The following NMNAT2 variants were observed in gnomAD, a reference collection of about 807,000 sequenced individuals.
NMNAT2 encodes nicotinamide nucleotide adenylyltransferase 2.
In NMNAT2, 11 loss-of-function variants were observed where a neutral mutation model predicts 41.6. The ratio of observed to expected loss-of-function variants is 0.26; its 90% confidence interval spans 0.17 to 0.44. The LOEUF is 0.44. Among genes scored for constraint, NMNAT2 ranks in the 20% least tolerant of loss-of-function variants. NMNAT2 has a pLI of 1.00. For synonymous variants in NMNAT2, 148 were observed against 151.2 expected, an observed-to-expected ratio of 0.98 and a Z score of 0.16; for missense variants, 288 against 407.7, an observed-to-expected ratio of 0.71 and a Z score of 2.53.
At chr1:183,333,933 T>C (rs1295876539) in intron 1 of NMNAT2, among the ~76,000 whole-genome samples, 2 of 152,196 alleles carry the variant, frequency 1.3e-5, no homozygotes, top group East Asian at 3.8e-4. Context: ...TGCTGTCTAA[T>C]TGTCCCCAGT....
At chr1:183,328,711 T>C (rs186525001) in intron 1 of NMNAT2, among the ~76,000 whole-genome samples, 65 of 152,366 alleles carry the variant, frequency 4.3e-4, no homozygotes, top group African/African-American at 1.5e-3. Flanking sequence ...CTTTGCCTCC[T>C]GTGAGGAAGA....
intron 1 of NMNAT2, among the ~76,000 whole-genome samples, chr1:183,336,644 C>T (rs1662682889): frequency 6.6e-6 from 1 of 152,192 alleles, no homozygotes; most frequent in Non-Finnish European, 1.5e-5. Context: ...CTTTGGAAAA[C>T]CATGCAGTAG....
chr1:183,304,466 G>A (rs771658136), intron 1 of NMNAT2, among the ~76,000 whole-genome samples: 16 of 152,044 alleles, frequency 1.1e-4, no homozygotes, highest in Non-Finnish European at 2.2e-4. Flanking sequence ...CAGACTCAGT[G>A]GCCAGTGACT....
chr1:183,292,221 C>T (rs1447451865), intron 3 of NMNAT2, among the ~76,000 whole-genome samples: 9 of 152,226 alleles, frequency 5.9e-5, no homozygotes, highest in Admixed American at 5.9e-4. Context: ...ACTGCAAGCT[C>T]AGCGGAGGTG....
rs140298013 is a variant in NMNAT2, at chr1:183,289,553, G to C, written c.321+575C>G. 2.2e-4 allele frequency among the ~76,000 whole-genome samples: 33 copies of C among 152,328 alleles called. 1 individual carries two copies. Among genetic ancestry groups the C allele is most frequent in the African/African-American group, 7.7e-4 (32 of 41,578 alleles). On this transcript the variant is annotated intron_variant, in intron 4 of 10. Coordinates refer to ENST00000287713, the MANE Select transcript of NMNAT2 (RefSeq NM_015039.4). Reference sequence around the variant, plus strand: ...CTCAGATATGTGGACTCCTCTCTGTGATCCCTTTTACCCACTAATAAAACA... The same window carrying C: ...CTCAGATATGTGGACTCCTCTCTGTCATCCCTTTTACCCACTAATAAAACA...
chr1:183,278,730 T>A, intron 7 of NMNAT2, 101 bp from the exon 8 acceptor site: 1 of 824,580 alleles, frequency 1.2e-6, no homozygotes, highest in East Asian at 2.6e-5. Context: ...CTCTCCCACC[T>A]TTGGGGATGT....
chr1:183,385,709 T>C (rs1648223416), intron 1 of NMNAT2, among the ~76,000 whole-genome samples: 1 of 152,144 alleles, frequency 6.6e-6, no homozygotes. Flanking sequence ...AGGCAACAGA[T>C]GGCAACTATC....
intron 1 of NMNAT2, among the ~76,000 whole-genome samples, chr1:183,402,988 C>A (rs914758143): frequency 1.4e-5 from 2 of 148,078 alleles, no homozygotes; most frequent in Admixed American, 6.8e-5. Context: ...GAGGTGGGTG[C>A]AAGGACGTGA....
chr1:183,373,768 C>T (rs944164171), intron 1 of NMNAT2, among the ~76,000 whole-genome samples: 9 of 152,080 alleles, frequency 5.9e-5, no homozygotes, highest in African/African-American at 2.2e-4. Context: ...CAGGCACACG[C>T]AACCATGCCC....
chr1:183,292,179 T>C (rs1379429317), intron 3 of NMNAT2, among the ~76,000 whole-genome samples: 1 of 152,252 alleles, frequency 6.6e-6, no homozygotes, highest in Non-Finnish European at 1.5e-5. Context: ...GGAACATCAT[T>C]AGCATAATTA....
chr1:183,386,802 A>G (rs1648262678), intron 1 of NMNAT2, among the ~76,000 whole-genome samples: 1 of 152,142 alleles, frequency 6.6e-6, no homozygotes, highest in Admixed American at 6.5e-5. Context: ...TTATAGGATA[A>G]ATGAAAAAAA....
At chr1:183,274,767 A>T (rs1571566172) in intron 8 of NMNAT2, among the ~76,000 whole-genome samples, 1 of 115,112 alleles carries the variant, frequency 8.7e-6, no homozygotes, top group Non-Finnish European at 2.1e-5. Flanking sequence ...CCTTGTCTCT[A>T]AAAAAAAAAA....
chr1:183,259,484 C>T (rs1368199306), intron 10 of NMNAT2, among the ~76,000 whole-genome samples: 4 of 152,206 alleles, frequency 2.6e-5, no homozygotes, highest in South Asian at 2.1e-4. Context: ...CCACCACTGC[C>T]GGTGGTCCAG....
intron 1 of NMNAT2, among the ~76,000 whole-genome samples, chr1:183,407,598 G>A (rs1199727346): frequency 6.6e-6 from 1 of 152,138 alleles, no homozygotes; most frequent in Non-Finnish European, 1.5e-5. Flanking sequence ...AAAACCATAT[G>A]ACCTTGGCTA....
intron 1 of NMNAT2, among the ~76,000 whole-genome samples, chr1:183,388,149 GCTACAA>G (rs1472525851): frequency 2.0e-4 from 30 of 152,340 alleles, no homozygotes; most frequent in African/African-American, 7.2e-4. Flanking sequence ...AAGTGGTCCA[GCTACAA>G]GTGACTGAGC....
At chr1:183,403,174 T>C (rs1017279835) in intron 1 of NMNAT2, among the ~76,000 whole-genome samples, 5 of 152,088 alleles carry the variant, frequency 3.3e-5, no homozygotes, top group Non-Finnish European at 7.4e-5. Flanking sequence ...CCTCAGGTGA[T>C]CCACCTGCCT....
chr1:183,301,026 G>A (rs1288390306), intron 1 of NMNAT2, among the ~76,000 whole-genome samples: 1 of 152,204 alleles, frequency 6.6e-6, no homozygotes, highest in African/African-American at 2.4e-5. Context: ...GATTGTTTAA[G>A]TGCTGAGTCA....
At chr1:183,321,432 G>T (rs1367116719) in intron 1 of NMNAT2, among the ~76,000 whole-genome samples, 1 of 152,176 alleles carries the variant, frequency 6.6e-6, no homozygotes, top group Non-Finnish European at 1.5e-5. Context: ...TAGTCTGTAA[G>T]GTATTTGAAT....
Position 183,252,568 on chromosome 1 carries a change from C to A in NMNAT2, c.*73G>T. ...CAGTCAAGACGAGGAGATGGAGAAA[C>A]AGAGAGGCAGGAGAGAAACAGGGGG... On this transcript the variant is annotated 3_prime_UTR_variant, in exon 11 of 11. Coordinates refer to ENST00000287713, the MANE Select transcript of NMNAT2 (RefSeq NM_015039.4). 1 of 1,074,382 alleles carries A rather than the reference C, an allele frequency of 9.3e-7. No homozygotes were observed. Among genetic ancestry groups the A allele is most frequent in the South Asian group, 1.3e-5 (1 of 79,940 alleles). The allele number at this position is 1,074,382 out of a possible 1,614,324, so 66.6% of individuals were successfully genotyped here.
Sources: gnomAD v4.1 joint callset for allele counts (sites outside exome capture counted in the v4.1 genomes callset) on GRCh38, gnomAD v4.1.1 for gene constraint, MANE v1.5 for transcripts, NCBI Gene and HGNC (gene_info 2026-07-23, HGNC 2026-07-21) for gene names.